ALLC: variants seen among roughly 807,000 people sequenced by gnomAD.
The protein encoded by ALLC is allantoicase, also known as probable inactive allantoicase.
Under a neutral mutation model 45.0 loss-of-function variants are expected in ALLC, and 40 were observed. The ratio of observed to expected loss-of-function variants is 0.89; its 90% confidence interval spans 0.69 to 1.16. The LOEUF (loss-of-function observed/expected upper bound fraction) is 1.16, where lower values mean the gene tolerates loss of function less well. Among genes scored for constraint, ALLC ranks in the 50% most tolerant of loss-of-function variants. ALLC has a pLI of 0.00. For synonymous variants in ALLC, 176 were observed against 178.1 expected (o/e 0.99, Z 0.09); for missense variants, 488 against 493.1 (o/e 0.99, Z 0.10).
At chr2:3,675,625 C>A (rs1667003185) in intron 3 of ALLC, among the ~76,000 whole-genome samples, 1 of 152,006 alleles carries the variant, frequency 6.6e-6, no homozygotes, top group Non-Finnish European at 1.5e-5. Flanking sequence ...TAAACACTTA[C>A]ACACTACATA....
the ALLC span, among the ~76,000 whole-genome samples, chr2:3,646,236 G>A: frequency 3.9e-5 from 6 of 152,174 alleles, no homozygotes; most frequent in Non-Finnish European, 8.8e-5. Flanking sequence ...CTGCATGTGC[G>A]GGTGCTGTCT....
At chr2:3,700,641 G>A (rs1011500267) in intron 10 of ALLC, among the ~76,000 whole-genome samples, 2 of 152,148 alleles carry the variant, frequency 1.3e-5, no homozygotes, top group African/African-American at 2.4e-5. Context: ...CAATAATATA[G>A]TAGGTTATAT....
upstream of ALLC, among the ~76,000 whole-genome samples, chr2:3,654,892 G>A (rs961136414): frequency 2.0e-5 from 3 of 152,356 alleles, no homozygotes; most frequent in Admixed American, 6.5e-5. Context: ...ATAAAGAAGC[G>A]CTTTGCATTG....
chr2:3,663,616 A>G (rs1666628009), intron 1 of ALLC, among the ~76,000 whole-genome samples: 1 of 152,254 alleles, frequency 6.6e-6, no homozygotes, highest in South Asian at 2.1e-4. Flanking sequence ...CAGAAACAGT[A>G]TCTGCCTGGT....
the ALLC span, among the ~76,000 whole-genome samples, chr2:3,651,666 C>T: frequency 2.6e-5 from 4 of 151,884 alleles, no homozygotes; most frequent in Non-Finnish European, 5.9e-5. Context: ...CCGTTGATGG[C>T]AAAGACGAAC....
chr2:3,692,846 C>T (rs1219662583), intron 7 of ALLC, among the ~76,000 whole-genome samples: 1 of 152,074 alleles, frequency 6.6e-6, no homozygotes, highest in Non-Finnish European at 1.5e-5. Flanking sequence ...TCACTGTGGC[C>T]CCAATATCTC....
chr2:3,695,399 C>G (rs758176537), intron 7 of ALLC: 5 of 295,798 alleles, frequency 1.7e-5, no homozygotes, highest in Non-Finnish European at 2.5e-5. Context: ...AAAATGTAAC[C>G]TGGGGAGTCA....
chr2:3,701,420 G>T lies in ALLC; in HGVS notation c.851-92G>T, dbSNP rs985079350. 6 of 1,393,696 alleles carry T rather than the reference G, an allele frequency of 4.3e-6. No individual in the cohort carries two copies. In the Admixed American group the frequency reaches 8.1e-5, roughly 19 times the overall value. 86.3% of individuals were successfully genotyped at this position (1,393,696 alleles called of 1,614,324 possible). On this transcript the variant is annotated intron_variant, in intron 10 of 11. Coordinates refer to ENST00000252505, the MANE Select transcript of ALLC (RefSeq NM_018436.4). ...AAGAGCAGGGACTTGTTTTTTGCTG[G>T]GTTTTTGATCTTATTAAAAAAGCAT...
At chr2:3,656,733 G>A (rs567002997), upstream of ALLC, among the ~76,000 whole-genome samples, 1 of 151,954 alleles carries the variant, frequency 6.6e-6, no homozygotes, top group Non-Finnish European at 1.5e-5. Context: ...TAACCAGCTC[G>A]TAGGTGATTT....
At chr2:3,701,657 G>A (rs768596371) in intron 11 of ALLC, 21 bp downstream of exon 11, 11 of 1,605,916 alleles carry the variant, frequency 6.8e-6, no homozygotes, top group East Asian at 2.2e-5. Context: ...CATGTTATTC[G>A]GATCCAGCAC....
At chr2:3,682,728 T>C (rs966905863) in intron 6 of ALLC, among the ~76,000 whole-genome samples, 1 of 152,166 alleles carries the variant, frequency 6.6e-6, no homozygotes, top group Non-Finnish European at 1.5e-5. Flanking sequence ...GGTTTCACCG[T>C]GTTAGCCAGG....
At chr2:3,681,252 T>C (rs976465470) in intron 5 of ALLC, among the ~76,000 whole-genome samples, 2 of 152,202 alleles carry the variant, frequency 1.3e-5, no homozygotes, top group Non-Finnish European at 2.9e-5. Flanking sequence ...TGAGTGCTTC[T>C]ATTTCTGAAT....
At position 3,680,687 on chromosome 2, in the gene ALLC, A is replaced by G. The variant is rs13428088; in HGVS notation, c.298+693A>G. The stretch of plus-strand genomic sequence containing the variant: ...CTCTGCACTGTTACTGCCCGGACTC[A>G]GGGCTCACATGCTGTAGGGAAAGGG... On this transcript the variant is annotated intron_variant, in intron 5 of 11. Coordinates refer to ENST00000252505, the MANE Select transcript of ALLC (RefSeq NM_018436.4). The surrounding 1 kb of genome is among the most constrained non-coding windows in gnomAD (Gnocchi z 4.0). Among the ~76,000 whole-genome samples, 15,403 of 152,250 alleles carry G rather than the reference A, an allele frequency of 0.1. 942 individuals are homozygous for G. The highest frequency in any genetic ancestry group is 0.15 in the African/African-American group (6,096 of 41,530).
chr2:3,695,075 C>G (rs555334687), intron 7 of ALLC: 2 of 152,410 alleles, frequency 1.3e-5, no homozygotes, highest in South Asian at 4.1e-4. Flanking sequence ...ATAAGGTTCT[C>G]TTGTCTGAGT....
rs774251143 is a variant in ALLC, at chr2:3,679,744, GT to G, written c.173-119del. Reference sequence around the variant, plus strand: ...TATTAGCTAAGAACCGCCCTGAACAGTTTTTTCTGTGATGGACGGAATGGCC... The same window carrying G: ...TATTAGCTAAGAACCGCCCTGAACAGTTTTTCTGTGATGGACGGAATGGCC... On this transcript the variant is annotated intron_variant, in intron 4 of 11. Transcript: ENST00000252505. 1.5e-3 allele frequency: 2,031 copies of G among 1,382,368 alleles called. 4 individuals carry two copies. The highest frequency in any genetic ancestry group is 1.8e-3 in the Non-Finnish European group (1,820 of 985,664). The allele number at this position is 1,382,368 out of a possible 1,614,324, so 85.6% of individuals were successfully genotyped here.
rs756366739 is a variant in ALLC, at chr2:3,669,269, G to A, written c.-62-1827G>A. On this transcript the variant is annotated intron_variant, in intron 1 of 11. Coordinates refer to ENST00000252505, the MANE Select transcript of ALLC (RefSeq NM_018436.4). ...TGGGTGGATCACGAAGTCAGGAGAT[G>A]GAGACCATCCTGGCCAGCATGGTAA... 3.6e-4 allele frequency among the ~76,000 whole-genome samples: 55 copies of A among 152,184 alleles called. No individual in the cohort carries two copies. In the Middle Eastern group the frequency reaches 0.01, roughly 28 times the overall value.
chr2:3,647,370 ATTCT>A, the ALLC span, among the ~76,000 whole-genome samples: 332 of 152,118 alleles, frequency 2.2e-3, 1 homozygote, highest in African/African-American at 7.5e-3. Flanking sequence ...GGGGGTGGGC[ATTCT>A]TTCTCACCTT....
chr2:3,670,879 G>C (rs1182979726), intron 1 of ALLC, among the ~76,000 whole-genome samples: 1 of 111,644 alleles, frequency 9.0e-6, no homozygotes, highest in Middle Eastern at 4.3e-3. Flanking sequence ...AGGAAGCCAT[G>C]TTCTAATTCC....
intron 1 of ALLC, among the ~76,000 whole-genome samples, chr2:3,664,706 A>G (rs1666650343): frequency 6.6e-6 from 1 of 152,148 alleles, no homozygotes. Context: ...CAACATAGTG[A>G]GACCCTGTCT....
Sources: allele counts gnomAD v4.1 joint callset (sites outside exome capture counted in the v4.1 genomes callset), GRCh38; gene constraint gnomAD v4.1.1; non-coding constraint Gnocchi (gnomAD v3.1); transcripts MANE v1.5; gene names NCBI Gene and HGNC (gene_info 2026-07-23, HGNC 2026-07-21).